The following UGT1A9 variants were observed in gnomAD, a reference collection of about 807,000 sequenced individuals.
UGT1A9 encodes the protein UDP-glucuronosyltransferase 1A9.
A neutral mutation model predicts 45.0 loss-of-function variants in UGT1A9; 35 were observed. The ratio of observed to expected loss-of-function variants is 0.78; its 90% confidence interval spans 0.59 to 1.03. The LOEUF (loss-of-function observed/expected upper bound fraction) is 1.03, where lower values mean the gene tolerates loss of function less well. Among genes scored for constraint, UGT1A9 ranks in the 50% least tolerant of loss-of-function variants. The pLI is 0.00. For synonymous variants in UGT1A9, 278 were observed against 250.6 expected, an observed-to-expected ratio of 1.11 and a Z score of -1.03; for missense variants, 687 against 666.6, an observed-to-expected ratio of 1.03 and a Z score of -0.34.
chr2:233,753,016 T>C (rs1233193330), intron 1 of UGT1A9, among the ~76,000 whole-genome samples: 2 of 152,164 alleles, frequency 1.3e-5, no homozygotes, highest in Admixed American at 1.3e-4. Flanking sequence ...AGAGTGGTGA[T>C]TTACAACACA....
chr2:233,728,611 G>C (rs1206625269), intron 1 of UGT1A9, among the ~76,000 whole-genome samples: 1 of 152,228 alleles, frequency 6.6e-6, no homozygotes, highest in Non-Finnish European at 1.5e-5. Context: ...CCTCCACGCT[G>C]TTCAGAGAAA....
chr2:233,772,918 GCAGTTTTAATCTTATCTTTT>G lies in UGT1A9; in HGVS notation c.*360_*379del. 2.7e-6 allele frequency: 1 copy of G among 377,336 alleles called. No homozygotes were observed. The allele number at this position is 377,336 out of a possible 1,614,324, so 23.4% of individuals were successfully genotyped here. A position where few individuals can be genotyped will look rare whatever the true frequency, so the allele number is the denominator to read the frequency against. On this transcript the variant is annotated 3_prime_UTR_variant, in exon 5 of 5. Transcript: ENST00000354728. ...CCCACGGCTGCCCCTACTGCAAATG[GCAGTTTTAATCTTATCTTTT>G]GGCTTCTGCAGATGGTTGCAATTGA...
At chr2:233,697,794 A>G (rs1220418107) in intron 1 of UGT1A9, among the ~76,000 whole-genome samples, 2 of 152,112 alleles carry the variant, frequency 1.3e-5, no homozygotes, top group Non-Finnish European at 2.9e-5. Flanking sequence ...CGTTTCAAGT[A>G]ATTTTTAAAT....
intron 1 of UGT1A9, among the ~76,000 whole-genome samples, chr2:233,673,233 T>C (rs1330097402): frequency 2.6e-5 from 4 of 152,208 alleles, no homozygotes; most frequent in Admixed American, 2.6e-4. Context: ...AGTATTGGGC[T>C]GGACATATTC....
intron 1 of UGT1A9, among the ~76,000 whole-genome samples, chr2:233,707,634 C>T (rs2075978747): frequency 6.6e-6 from 1 of 151,620 alleles, no homozygotes; most frequent in South Asian, 2.1e-4. Flanking sequence ...GAATATATCC[C>T]ATTGTATGAA....
Position 233,772,243 on chromosome 2 carries a change from A to G in UGT1A9, c.1296-19A>G, listed in dbSNP as rs763747891. The stretch of plus-strand genomic sequence containing the variant: ...TACCACAGGTGTTCCAGGCATAACG[A>G]AACTGTCTTTGTGTTTAGTTACAAG... On this transcript the variant is annotated intron_variant, in intron 4 of 4. Coordinates refer to ENST00000354728, the MANE Select transcript of UGT1A9 (RefSeq NM_021027.3). 2 of 1,614,184 alleles carry G rather than the reference A, an allele frequency of 1.2e-6. No homozygotes were observed. The highest frequency in any genetic ancestry group is 1.7e-6 in the Non-Finnish European group (2 of 1,180,028).
chr2:233,707,308 T>A (rs1362623312), intron 1 of UGT1A9, among the ~76,000 whole-genome samples: 2 of 152,304 alleles, frequency 1.3e-5, no homozygotes, highest in Non-Finnish European at 2.9e-5. Flanking sequence ...GCAGGTTTGT[T>A]ACATAGCTAA....
chr2:233,693,563 G>T (rs1303936700), intron 1 of UGT1A9: 1 of 1,614,216 alleles, frequency 6.2e-7, no homozygotes, highest in Non-Finnish European at 8.5e-7. Context: ...CAGAAGCCCA[G>T]ACCCTGTGTC....
intron 1 of UGT1A9, among the ~76,000 whole-genome samples, chr2:233,709,390 A>G (rs2125615380): frequency 6.6e-6 from 1 of 152,282 alleles, no homozygotes; most frequent in East Asian, 1.9e-4. Flanking sequence ...ATTTCTTTTA[A>G]TAATCTATGG....
chr2:233,760,254 G>C (rs1697373006), intron 1 of UGT1A9: 2 of 1,610,464 alleles, frequency 1.2e-6, no homozygotes, highest in South Asian at 2.2e-5. Flanking sequence ...ATATAAGTAG[G>C]AGAGGGCGAA....
intron 1 of UGT1A9, among the ~76,000 whole-genome samples, chr2:233,745,694 GAAC>G (rs1198123453): frequency 1.3e-5 from 2 of 150,076 alleles, no homozygotes; most frequent in African/African-American, 2.5e-5. Flanking sequence ...CAAGTTTGGA[GAAC>G]AACAAGTGAT....
chr2:233,731,662 A>G (rs2078189786), intron 1 of UGT1A9, among the ~76,000 whole-genome samples: 1 of 151,984 alleles, frequency 6.6e-6, no homozygotes, highest in African/African-American at 2.4e-5. Flanking sequence ...TATGTGCCAC[A>G]TTTTCTTAAT....
chr2:233,713,368 G>C, intron 1 of UGT1A9: 5 of 1,614,136 alleles, frequency 3.1e-6, no homozygotes, highest in Non-Finnish European at 4.2e-6. Flanking sequence ...ATCATACATA[G>C]GTCTTGTGTG....
chr2:233,751,021 C>G (rs74787288), intron 1 of UGT1A9, among the ~76,000 whole-genome samples: 5,661 of 151,884 alleles, frequency 0.037, 155 homozygotes, highest in Non-Finnish European at 0.057. Flanking sequence ...AATAGTAGAT[C>G]CAATAGCTTG....
At chr2:233,712,361 C>T (rs1434368620) in intron 1 of UGT1A9, among the ~76,000 whole-genome samples, 1 of 152,174 alleles carries the variant, frequency 6.6e-6, no homozygotes, top group Non-Finnish European at 1.5e-5. Flanking sequence ...CTCAGCCTCC[C>T]TGCAGCTTTT....
chr2:233,747,538 C>A lies in UGT1A9; in HGVS notation c.856-19496C>A. The stretch of plus-strand genomic sequence containing the variant: ...TTTGAAACAGAACATTTTCTGAAGA[C>A]ATTTTCTAAAAGTATGGCAATTTTG... On this transcript the variant is annotated intron_variant, in intron 1 of 4. Transcript: ENST00000354728. The A allele has an allele frequency of 3.7e-6, 6 of 1,604,366 alleles. No individual in the cohort carries two copies. The East Asian group carries it at 8.9e-5, about 24-fold the overall frequency.
At chr2:233,760,487 A>G (rs2125984867) in intron 1 of UGT1A9, 1 of 1,614,244 alleles carries the variant, frequency 6.2e-7, no homozygotes, top group Non-Finnish European at 8.5e-7. Context: ...GCCTCGTTGT[A>G]CATCAGAGAC....
At chr2:233,753,795 C>G (rs760622704) in intron 1 of UGT1A9, 1 of 152,194 alleles carries the variant, frequency 6.6e-6, no homozygotes, top group African/African-American at 2.4e-5. Flanking sequence ...TTTCCAGGAC[C>G]TACCATAGTT....
rs146693320 is a variant in UGT1A9, at chr2:233,769,441, G to T, written c.1295+1002G>T. The T allele has an allele frequency of 6.5e-7, 1 of 1,546,730 alleles. No homozygotes were observed. Among genetic ancestry groups the T allele is most frequent in the East Asian group, 2.3e-5 (1 of 44,376 alleles). ...TGCATGTGGCTGTGCTCATGTGTGGGTGCACACGTGTGCATTCATATGCGT... is the reference window on the plus strand; with the variant it reads ...TGCATGTGGCTGTGCTCATGTGTGGTTGCACACGTGTGCATTCATATGCGT... On this transcript the variant is annotated intron_variant, in intron 4 of 4. Transcript: ENST00000354728. The surrounding 1 kb of genome is among the most constrained non-coding windows in gnomAD (Gnocchi z 4.4).
Sources: gnomAD v4.1 joint callset for allele counts (sites outside exome capture counted in the v4.1 genomes callset) on GRCh38, gnomAD v4.1.1 for gene constraint, Gnocchi (gnomAD v3.1) non-coding constraint, MANE v1.5 for transcripts, NCBI Gene and HGNC (gene_info 2026-07-23, HGNC 2026-07-21) for gene names.